CEP126: variants seen among roughly 807,000 people sequenced by gnomAD.
The protein encoded by CEP126 is centrosomal protein 126, also known as centrosomal protein of 126 kDa.
In CEP126, 74 loss-of-function variants were observed where a neutral mutation model predicts 107.8. The observed-to-expected ratio is 0.69, with a 90% CI of 0.57 to 0.83. CEP126 has a LOEUF of 0.83. Ranked by LOEUF, CEP126 falls within the 40% of genes least tolerant of loss-of-function variation. The pLI is 0.00. For missense variants in CEP126, 1,237 were observed against 1,281.9 expected (o/e 0.96, Z 0.53); for synonymous variants, 449 against 446.0 (o/e 1.01, Z -0.08).
At chr11:101,949,199 C>G (rs999881069) in intron 4 of CEP126, among the ~76,000 whole-genome samples, 1 of 152,172 alleles carries the variant, frequency 6.6e-6, no homozygotes, top group Admixed American at 6.5e-5. Context: ...ATGCAAAATA[C>G]AGATGGCTTT....
At chr11:101,957,341 C>T (rs1373166068) in intron 4 of CEP126, among the ~76,000 whole-genome samples, 1 of 152,202 alleles carries the variant, frequency 6.6e-6, no homozygotes, top group African/African-American at 2.4e-5. Context: ...CCCAGTGCAG[C>T]AGCATTCAGC....
intron 1 of CEP126, among the ~76,000 whole-genome samples, chr11:101,919,133 T>C (rs1940281998): frequency 1.3e-5 from 2 of 152,184 alleles, no homozygotes; most frequent in African/African-American, 4.8e-5. Context: ...GCTGACTTTG[T>C]GTAGGTTCAA....
intron 1 of CEP126, chr11:101,916,364 A>G (rs1054162795): frequency 7.9e-5 from 12 of 152,226 alleles, no homozygotes; most frequent in African/African-American, 2.9e-4. Flanking sequence ...AGGGATACAA[A>G]TCTAGTGAGG....
intron 2 of CEP126, among the ~76,000 whole-genome samples, chr11:101,941,733 C>G (rs919582168): frequency 3.3e-5 from 5 of 152,136 alleles, no homozygotes; most frequent in African/African-American, 9.7e-5. Context: ...TCCACAGCTG[C>G]TGCACCATGT....
chr11:101,948,257 C>G (rs1349209250), intron 4 of CEP126, 115 bp downstream of exon 4: 2 of 521,502 alleles, frequency 3.8e-6, no homozygotes, highest in African/African-American at 1.9e-5. Context: ...AGAGTTTATT[C>G]TTTTATTTTT....
chr11:101,918,986 T>C (rs1197636164), intron 1 of CEP126, among the ~76,000 whole-genome samples: 3 of 152,184 alleles, frequency 2.0e-5, no homozygotes, highest in Non-Finnish European at 4.4e-5. Context: ...CAGGGAAATG[T>C]TAAGAAATAA....
intron 7 of CEP126, among the ~76,000 whole-genome samples, chr11:101,980,661 C>T (rs1164418334): frequency 6.6e-6 from 1 of 152,152 alleles, no homozygotes; most frequent in East Asian, 1.9e-4. Flanking sequence ...ATTCCAGAGC[C>T]TAAGCAAGGG....
At chr11:101,916,448 C>T (rs1683337777) in intron 1 of CEP126, 1 of 152,192 alleles carries the variant, frequency 6.6e-6, no homozygotes, top group South Asian at 2.1e-4. Flanking sequence ...AATCTTCCAT[C>T]CCTTCAGTCT....
chr11:101,992,688 C>A, intron 9 of CEP126, 90 bp from the exon 10 acceptor site: 1 of 735,366 alleles, frequency 1.4e-6, no homozygotes, highest in Non-Finnish European at 2.1e-6. Flanking sequence ...TATTTTGATA[C>A]ATCAGAATTT....
chr11:101,944,118 A>G, intron 2 of CEP126, 147 bp from the exon 3 acceptor site: 1 of 668,058 alleles, frequency 1.5e-6, no homozygotes, highest in Non-Finnish European at 2.4e-6. Flanking sequence ...TCTTTGGCAA[A>G]CACCTGTTTT....
chr11:101,941,204 A>G (rs1940659403), intron 2 of CEP126, among the ~76,000 whole-genome samples: 1 of 152,152 alleles, frequency 6.6e-6, no homozygotes, highest in African/African-American at 2.4e-5. Flanking sequence ...TACATTAAGT[A>G]CATTCATATT....
Position 101,962,073 on chromosome 11 carries a change from A to G in CEP126, c.1038A>G (p.Lys346=). The change falls in exon 6 of 11, where the codon AAA becomes AAG. Residue 346 remains lysine (K), a synonymous_variant. Transcript: ENST00000263468. ...VLPSWEYFNS[K]EQNPSPLNGT... ...CTTCATGGGAATATTTTAATAGTAA[A>G]GAACAAAATCCATCTCCTTTGAATG... 1 of 1,612,792 alleles carries G rather than the reference A, an allele frequency of 6.2e-7. No homozygotes were observed. Among genetic ancestry groups the G allele is most frequent in the South Asian group, 1.1e-5 (1 of 90,764 alleles).
At chr11:101,963,998 A>G in intron 6 of CEP126, 118 bp downstream of exon 6, 1 of 680,856 alleles carries the variant, frequency 1.5e-6, no homozygotes, top group Admixed American at 3.1e-5. Context: ...ATTAAACAAT[A>G]GCTTTATAGA....
At chr11:101,992,523 C>T (rs149088488) in intron 9 of CEP126, among the ~76,000 whole-genome samples, 236 of 151,900 alleles carry the variant, frequency 1.6e-3, no homozygotes, top group African/African-American at 5.4e-3. Context: ...GAATGAAGAT[C>T]GTTATATAAT....
chr11:101,992,956 A>G (rs1941402796), intron 10 of CEP126, 114 bp downstream of exon 10: 1 of 1,092,664 alleles, frequency 9.2e-7, no homozygotes, highest in African/African-American at 1.6e-5. Context: ...GGATTGGTTT[A>G]TAGAGGTTTT....
At chr11:101,944,579 TTTAA>T (rs1450657695) in intron 3 of CEP126, among the ~76,000 whole-genome samples, 169 bp downstream of exon 3, 2 of 152,154 alleles carry the variant, frequency 1.3e-5, no homozygotes, top group Non-Finnish European at 2.9e-5. Context: ...TTGATTTAGG[TTTAA>T]TTGAGAGAAT....
At chr11:101,978,826 A>G (rs1333853883) in intron 7 of CEP126, among the ~76,000 whole-genome samples, 1 of 152,164 alleles carries the variant, frequency 6.6e-6, no homozygotes, top group Non-Finnish European at 1.5e-5. Context: ...AGAGACCTGG[A>G]TAGAAGAAAC....
rs1940982789 is a variant in CEP126 at position 101,962,103 on chromosome 11, A to G, written c.1068A>G (p.Thr356=). Residue 356 remains threonine (T), a synonymous_variant, in exon 6 of 11, where the codon ACA becomes ACG. Coordinates refer to ENST00000263468, the MANE Select transcript of CEP126 (RefSeq NM_020802.4). ...KEQNPSPLNG[T]VERATNTANN... ...AAAATCCATCTCCTTTGAATGGAACAGTGGAAAGAGCCACAAATACTGCTA... is the reference window on the plus strand; with the variant it reads ...AAAATCCATCTCCTTTGAATGGAACGGTGGAAAGAGCCACAAATACTGCTA... The G allele has an allele frequency of 1.2e-6, 2 of 1,612,420 alleles. No individual in the cohort carries two copies. Among genetic ancestry groups the G allele is most frequent in the Non-Finnish European group, 1.7e-6 (2 of 1,179,456 alleles).
chr11:101,925,988 G>A (rs530782909), intron 2 of CEP126, among the ~76,000 whole-genome samples: 1 of 151,686 alleles, frequency 6.6e-6, no homozygotes, highest in East Asian at 2.0e-4. Context: ...TTGGATATTT[G>A]GAAGTTATCT....
Sources: gnomAD v4.1 joint callset for allele counts (sites outside exome capture counted in the v4.1 genomes callset) on GRCh38, gnomAD v4.1.1 for gene constraint, MANE v1.5 for transcripts, NCBI Gene and HGNC (gene_info 2026-07-23, HGNC 2026-07-21) for gene names.